Variants in ITPK1 observed in about 807,000 individuals in gnomAD.
ITPK1 encodes the protein inositol-tetrakisphosphate 1-kinase, also known as inositol 1,3,4-trisphosphate 5/6-kinase.
ITPK1 carries 21 observed loss-of-function variants against 45.3 expected under a neutral mutation model. The observed-to-expected ratio is 0.46, with a 90% CI of 0.33 to 0.67. The LOEUF (loss-of-function observed/expected upper bound fraction) is 0.67. Ranked by LOEUF, ITPK1 falls within the 30% of genes least tolerant of loss-of-function variation. The pLI, the probability that ITPK1 is intolerant of heterozygous loss-of-function variation, is 0.02. For synonymous variants in ITPK1, 258 were observed against 253.6 expected, an observed-to-expected ratio of 1.02 and a Z score of -0.16; for missense variants, 474 against 573.5, an observed-to-expected ratio of 0.83 and a Z score of 1.77.
At chr14:92,960,586 T>C (rs1049607491) in intron 7 of ITPK1, among the ~76,000 whole-genome samples, 3 of 152,230 alleles carry the variant, frequency 2.0e-5, no homozygotes, top group African/African-American at 7.2e-5. Flanking sequence ...CCCTCAGGCC[T>C]TGAGTGACTC....
At chr14:93,081,695 A>G (rs1891439793) in intron 2 of ITPK1, among the ~76,000 whole-genome samples, 1 of 152,236 alleles carries the variant, frequency 6.6e-6, no homozygotes, top group Admixed American at 6.5e-5. Context: ...ACCGGTGCTG[A>G]GAAGAGTACT....
At chr14:92,957,591 C>G (rs549959701) in intron 8 of ITPK1, among the ~76,000 whole-genome samples, 4 of 152,328 alleles carry the variant, frequency 2.6e-5, no homozygotes, top group Admixed American at 6.5e-5. Flanking sequence ...GCAGAGAACG[C>G]CCTATGTGAC....
At chr14:93,078,161 T>C (rs1327839057) in intron 2 of ITPK1, among the ~76,000 whole-genome samples, 1 of 152,120 alleles carries the variant, frequency 6.6e-6, no homozygotes, top group Non-Finnish European at 1.5e-5. Context: ...GTACAACAAA[T>C]GCAACCTCCA....
chr14:92,959,182 AGCACGG>A (rs947955341), intron 7 of ITPK1, among the ~76,000 whole-genome samples: 1 of 152,184 alleles, frequency 6.6e-6, no homozygotes, highest in African/African-American at 2.4e-5. Context: ...AGCCCCGGCC[AGCACGG>A]GCTCTGCACA....
At chr14:92,991,176 G>T (rs1053441083) in intron 5 of ITPK1, among the ~76,000 whole-genome samples, 1 of 152,144 alleles carries the variant, frequency 6.6e-6, no homozygotes, top group African/African-American at 2.4e-5. Context: ...GTGCCTCCAG[G>T]AACAGCAGGC....
chr14:92,952,747 A>G (rs1239541626), intron 8 of ITPK1, among the ~76,000 whole-genome samples: 1 of 152,244 alleles, frequency 6.6e-6, no homozygotes, highest in African/African-American at 2.4e-5. Context: ...AAGAATACTG[A>G]AAGTGCAAGT....
chr14:92,981,018 T>C (rs1009964855), intron 5 of ITPK1, among the ~76,000 whole-genome samples: 1 of 152,082 alleles, frequency 6.6e-6, no homozygotes, highest in African/African-American at 2.4e-5. Flanking sequence ...TCTCTTGTAG[T>C]TTTTCTTGGC....
intron 3 of ITPK1, chr14:93,071,952 TA>T (rs1236145180): frequency 5.9e-5 from 9 of 152,094 alleles, no homozygotes; most frequent in African/African-American, 2.2e-4. Context: ...AATTGATCAA[TA>T]AGACAGAAAT....
intron 4 of ITPK1, among the ~76,000 whole-genome samples, chr14:93,011,290 G>T (rs1204585348): frequency 6.6e-6 from 1 of 152,232 alleles, no homozygotes; most frequent in Non-Finnish European, 1.5e-5. Flanking sequence ...CCTGTGCTGG[G>T]TGAGGGGAGC....
Position 92,948,899 on chromosome 14 carries a change from T to C in ITPK1, c.739-2406A>G, listed in dbSNP as rs73330364. Among the ~76,000 whole-genome samples, 107 of 149,796 alleles carry C rather than the reference T, an allele frequency of 7.1e-4. 1 individual carries two copies. Among genetic ancestry groups the C allele is most frequent in the East Asian group, 3.0e-3 (15 of 5,004 alleles). Reference sequence around the variant, plus strand: ...CCACACCCGGATATCACCCACGCTCTGAGGGACCCACGCCTGGATATCACC... The same window carrying C: ...CCACACCCGGATATCACCCACGCTCCGAGGGACCCACGCCTGGATATCACC... On this transcript the variant is annotated intron_variant, in intron 9 of 10. Coordinates refer to ENST00000267615, the MANE Select transcript of ITPK1 (RefSeq NM_014216.6).
chr14:93,018,919 T>C (rs1311172134), intron 3 of ITPK1, among the ~76,000 whole-genome samples: 1 of 152,160 alleles, frequency 6.6e-6, no homozygotes, highest in Non-Finnish European at 1.5e-5. Context: ...GGGCTCACCA[T>C]CCCCTGGGGC....
rs920694284 is a variant in ITPK1, at chr14:93,036,131, CCCCAGGAGCCCAAGGT to C, written c.121-19346_121-19331del. ...GGTGGCGTCAGTGAGACCTGCCCCT[CCCCAGGAGCCCAAGGT>C]CCCAGGAGCCCAAGGTCGGTAACTT... On this transcript the variant is annotated intron_variant, in intron 3 of 10. Transcript: ENST00000267615. The surrounding 1 kb of genome is among the most constrained non-coding windows in gnomAD (Gnocchi z 4.1). Among the ~76,000 whole-genome samples, 124 of 152,288 alleles carry C rather than the reference CCCCAGGAGCCCAAGGT, an allele frequency of 8.1e-4. No individual in the cohort carries two copies. Among genetic ancestry groups the C allele is most frequent in the African/African-American group, 2.8e-3 (117 of 41,562 alleles).
intron 3 of ITPK1, chr14:93,067,690 T>C (rs1890817312): frequency 6.6e-6 from 1 of 152,258 alleles, no homozygotes; most frequent in Non-Finnish European, 1.5e-5. Context: ...ATGTGATTTT[T>C]TTTTAATGGC....
intron 4 of ITPK1, among the ~76,000 whole-genome samples, chr14:93,006,291 C>T (rs1415875124): frequency 1.3e-5 from 2 of 152,194 alleles, no homozygotes; most frequent in Non-Finnish European, 2.9e-5. Context: ...CTGGAGCAGA[C>T]GCCAACAACA....
At chr14:93,056,204 G>A (rs1043359181) in intron 3 of ITPK1, among the ~76,000 whole-genome samples, 4 of 152,302 alleles carry the variant, frequency 2.6e-5, no homozygotes, top group African/African-American at 9.6e-5. Flanking sequence ...GGGTTGAGAG[G>A]CAAAGCCCAC....
intron 5 of ITPK1, among the ~76,000 whole-genome samples, chr14:92,993,173 G>C (rs1479960115): frequency 3.3e-5 from 5 of 152,264 alleles, no homozygotes; most frequent in African/African-American, 1.2e-4. Flanking sequence ...CACAAAGCCG[G>C]AGGGCCCAGG....
At position 93,051,788 on chromosome 14, in the gene ITPK1, T is replaced by C. The variant is rs138373717; in HGVS notation, c.120+24807A>G. ...CCCTGTGCCTCCAAATGTCTCAGCA[T>C]GGGGAATGGAAGACAGCAGATTGGG... On this transcript the variant is annotated intron_variant, in intron 3 of 10. Coordinates refer to ENST00000267615, the MANE Select transcript of ITPK1 (RefSeq NM_014216.6). Among the ~76,000 whole-genome samples, 31 of 152,312 alleles carry C rather than the reference T, an allele frequency of 2.0e-4. No homozygotes were observed. In the East Asian group the frequency reaches 6.0e-3, roughly 29 times the overall value.
At chr14:92,963,571 G>A (rs962444457) in intron 5 of ITPK1, among the ~76,000 whole-genome samples, 4 of 152,270 alleles carry the variant, frequency 2.6e-5, no homozygotes, top group Admixed American at 1.3e-4. Context: ...AGCCCAGGCC[G>A]CGCCTGGTCC....
At chr14:92,951,875 G>A in intron 9 of ITPK1, 71 bp downstream of exon 9, 1 of 1,254,934 alleles carries the variant, frequency 8.0e-7, no homozygotes, top group Non-Finnish European at 1.1e-6. Flanking sequence ...GGACCCCATG[G>A]CCACAGCAGC....
Sources: gnomAD v4.1 joint callset for allele counts (sites outside exome capture counted in the v4.1 genomes callset) on GRCh38, gnomAD v4.1.1 for gene constraint, Gnocchi (gnomAD v3.1) non-coding constraint, MANE v1.5 for transcripts, NCBI Gene and HGNC (gene_info 2026-07-23, HGNC 2026-07-21) for gene names.